MAGI1: variants seen among roughly 807,000 people sequenced by gnomAD.
The protein encoded by MAGI1 is membrane associated guanylate kinase, WW and PDZ domain containing 1.
Under a neutral mutation model 139.9 loss-of-function variants are expected in MAGI1, and 58 were observed. The ratio of observed to expected loss-of-function variants is 0.41; its 90% CI spans 0.34 to 0.52. MAGI1 has a LOEUF of 0.52. Ranked by LOEUF, MAGI1 falls within the 20% of genes least tolerant of loss-of-function variation. The pLI is 0.12. For synonymous variants in MAGI1, 812 were observed against 737.9 expected (o/e 1.10, Z -1.63); for missense variants, 1,874 against 1,901.6 (o/e 0.99, Z 0.27).
chr3:65,451,882 A>C (rs1309377759), intron 6 of MAGI1, among the ~76,000 whole-genome samples: 2 of 152,186 alleles, frequency 1.3e-5, no homozygotes, highest in Non-Finnish European at 2.9e-5. Context: ...TCCTTGGCTC[A>C]AGTGATCCTC....
chr3:65,617,951 T>A (rs1168544435), intron 2 of MAGI1, among the ~76,000 whole-genome samples: 5 of 152,066 alleles, frequency 3.3e-5, no homozygotes, highest in Non-Finnish European at 7.4e-5. Context: ...CAGCAGGCAC[T>A]ACAATCAGGC....
intron 1 of MAGI1, among the ~76,000 whole-genome samples, chr3:65,849,849 A>C (rs1274857266): frequency 6.6e-6 from 1 of 152,164 alleles, no homozygotes; most frequent in Non-Finnish European, 1.5e-5. Context: ...TAAAGATTTG[A>C]TGTCAGTGTT....
intron 1 of MAGI1, among the ~76,000 whole-genome samples, chr3:65,658,983 A>G (rs1025857071): frequency 1.3e-5 from 2 of 152,158 alleles, no homozygotes; most frequent in Non-Finnish European, 2.9e-5. Context: ...CTTCCTTTTT[A>G]TGCACTTCTT....
At chr3:65,579,337 T>C (rs1199887463) in intron 2 of MAGI1, among the ~76,000 whole-genome samples, 1 of 152,134 alleles carries the variant, frequency 6.6e-6, no homozygotes, top group Non-Finnish European at 1.5e-5. Flanking sequence ...GTGGGACCAT[T>C]TGATCCCAGG....
chr3:65,679,470 C>T (rs2087423531), intron 1 of MAGI1, among the ~76,000 whole-genome samples: 1 of 151,704 alleles, frequency 6.6e-6, no homozygotes, highest in South Asian at 2.1e-4. Context: ...GGCTGAGGCA[C>T]AAGAATTCAT....
At chr3:65,590,482 T>C (rs1432229406) in intron 2 of MAGI1, among the ~76,000 whole-genome samples, 1 of 152,232 alleles carries the variant, frequency 6.6e-6, no homozygotes, top group East Asian at 1.9e-4. Flanking sequence ...TTGTGCCAAC[T>C]ATTTTAATTC....
At chr3:65,887,763 G>C (rs960238975) in intron 1 of MAGI1, among the ~76,000 whole-genome samples, 1 of 152,168 alleles carries the variant, frequency 6.6e-6, no homozygotes, top group African/African-American at 2.4e-5. Flanking sequence ...TTCGATCAAT[G>C]TCTTAAAGCT....
At position 65,747,604 on chromosome 3, in the gene MAGI1, C is replaced by T. The variant is rs184310255; in HGVS notation, c.314-125516G>A. Reference sequence around the variant, plus strand: ...GGGAATAAAAGCTCTTTGGTGTCCTCGAGTATATTTAAGAGTCCAGAGGGG... The same window carrying T: ...GGGAATAAAAGCTCTTTGGTGTCCTTGAGTATATTTAAGAGTCCAGAGGGG... On this transcript the variant is annotated intron_variant, in intron 1 of 22. Transcript: ENST00000402939. 2.6e-3 allele frequency among the ~76,000 whole-genome samples: 394 copies of T among 152,092 alleles called. 3 individuals are homozygous for T. Among genetic ancestry groups the T allele is most frequent in the Non-Finnish European group, 8.8e-4 (60 of 68,000 alleles).
At chr3:65,811,442 C>A (rs2041227262) in intron 1 of MAGI1, among the ~76,000 whole-genome samples, 1 of 152,130 alleles carries the variant, frequency 6.6e-6, no homozygotes, top group Non-Finnish European at 1.5e-5. Context: ...TGGGGAGCCC[C>A]CAGGCAGCCA....
intron 1 of MAGI1, among the ~76,000 whole-genome samples, chr3:65,720,399 G>A (rs897327703): frequency 3.3e-5 from 5 of 152,028 alleles, no homozygotes; most frequent in Admixed American, 6.5e-5. Context: ...TGGAAGACTT[G>A]GCTCTGTTCT....
At chr3:66,029,823 CTAAG>C (rs2068498297) in intron 1 of MAGI1, among the ~76,000 whole-genome samples, 1 of 152,174 alleles carries the variant, frequency 6.6e-6, no homozygotes, top group African/African-American at 2.4e-5. Context: ...AATGACTTGG[CTAAG>C]TAAGGGATGC....
At chr3:65,683,692 T>G (rs973783811) in intron 1 of MAGI1, among the ~76,000 whole-genome samples, 2 of 147,284 alleles carry the variant, frequency 1.4e-5, no homozygotes, top group Non-Finnish European at 3.0e-5. Context: ...GGCAAGCACA[T>G]GAAAAGATGC....
chr3:65,604,120 T>C (rs2082617891), intron 2 of MAGI1, among the ~76,000 whole-genome samples: 1 of 152,144 alleles, frequency 6.6e-6, no homozygotes, highest in South Asian at 2.1e-4. Flanking sequence ...CAACTTTCAA[T>C]TTATGGCTTT....
intron 4 of MAGI1, among the ~76,000 whole-genome samples, chr3:65,471,636 G>A (rs942088094): frequency 6.6e-6 from 1 of 152,088 alleles, no homozygotes; most frequent in African/African-American, 2.4e-5. Context: ...AGGTATCCTT[G>A]TGGTGCCCCT....
chr3:65,639,957 G>A (rs1298244313), intron 1 of MAGI1, among the ~76,000 whole-genome samples: 4 of 150,214 alleles, frequency 2.7e-5, no homozygotes, highest in East Asian at 2.0e-4. Flanking sequence ...AGCCAAGATC[G>A]TAGCCTGGGC....
At chr3:65,802,706 A>G (rs981673185) in intron 1 of MAGI1, among the ~76,000 whole-genome samples, 5 of 152,162 alleles carry the variant, frequency 3.3e-5, no homozygotes, top group African/African-American at 1.2e-4. Flanking sequence ...CAAACACTGA[A>G]TTAGGTAAAT....
At chr3:65,831,567 A>C (rs1460221301) in intron 1 of MAGI1, among the ~76,000 whole-genome samples, 1 of 152,210 alleles carries the variant, frequency 6.6e-6, no homozygotes, top group Non-Finnish European at 1.5e-5. Flanking sequence ...ACTGGCCTCT[A>C]ACTCTTGAAA....
At chr3:65,898,139 G>C (rs1466724118) in intron 1 of MAGI1, among the ~76,000 whole-genome samples, 4 of 152,090 alleles carry the variant, frequency 2.6e-5, no homozygotes, top group Non-Finnish European at 5.9e-5. Flanking sequence ...TATACGATTT[G>C]GTTTAATGTT....
In MAGI1 at chr3:65,555,786, G is replaced by A. The variant is rs2080057319; in HGVS notation, c.431-62155C>T. 2.0e-5 allele frequency among the ~76,000 whole-genome samples: 3 copies of A among 152,248 alleles called. 1 individual carries two copies. The highest frequency in any genetic ancestry group is 4.1e-4 in the South Asian group (2 of 4,822). ...GGCAGGAGAATCGCTTGAGCCCAGA[G>A]GTTGAGGCTACAGTGAGCCATGTTC... On this transcript the variant is annotated intron_variant, in intron 2 of 22. Coordinates refer to ENST00000402939, the MANE Select transcript of MAGI1 (RefSeq NM_001033057.2).
Sources: allele counts gnomAD v4.1 joint callset (sites outside exome capture counted in the v4.1 genomes callset), GRCh38; gene constraint gnomAD v4.1.1; transcripts MANE v1.5; gene names NCBI Gene and HGNC (gene_info 2026-07-23, HGNC 2026-07-21).